RBMS3: variants seen among roughly 807,000 people sequenced by gnomAD.
RBMS3 encodes RNA binding motif single stranded interacting protein 3.
A neutral mutation model predicts 66.8 loss-of-function variants in RBMS3; 27 were observed. The observed-to-expected ratio is 0.40, with a 90% CI of 0.30 to 0.56. RBMS3 has a LOEUF of 0.56. RBMS3 is among the 20% of genes least tolerant of loss of function. The pLI is 0.40. For synonymous variants in RBMS3, 188 were observed against 183.0 expected (o/e 1.03, Z -0.22); for missense variants, 513 against 549.5 (o/e 0.93, Z 0.66).
At chr3:29,294,881 A>G (rs970664242) in intron 1 of RBMS3, among the ~76,000 whole-genome samples, 57 of 151,862 alleles carry the variant, frequency 3.8e-4, no homozygotes, top group African/African-American at 1.2e-3. Flanking sequence ...CAGCCATGCC[A>G]TATACCTATC....
At chr3:29,629,363 G>A (rs1386791639) in intron 4 of RBMS3, among the ~76,000 whole-genome samples, 3 of 152,008 alleles carry the variant, frequency 2.0e-5, no homozygotes, top group Non-Finnish European at 2.9e-5. Flanking sequence ...CTGCCTCAAA[G>A]GAACATTGGT....
intron 5 of RBMS3, among the ~76,000 whole-genome samples, chr3:29,750,007 C>T (rs1038234032): frequency 1.6e-4 from 24 of 152,136 alleles, no homozygotes; most frequent in African/African-American, 5.5e-4. Flanking sequence ...TACTTTACCC[C>T]GTTGCTATAA....
At chr3:29,861,734 T>C (rs1388179117) in intron 6 of RBMS3, among the ~76,000 whole-genome samples, 1 of 152,238 alleles carries the variant, frequency 6.6e-6, no homozygotes, top group Non-Finnish European at 1.5e-5. Flanking sequence ...CTGATCATTA[T>C]ATCAGTTTAT....
chr3:29,369,721 T>C (rs1214605556), intron 1 of RBMS3, among the ~76,000 whole-genome samples: 1 of 151,940 alleles, frequency 6.6e-6, no homozygotes, highest in African/African-American at 2.4e-5. Context: ...ACAGAAAATA[T>C]GGGGAACTAA....
At chr3:29,421,940 T>C (rs1026321999) in intron 1 of RBMS3, among the ~76,000 whole-genome samples, 2 of 152,194 alleles carry the variant, frequency 1.3e-5, no homozygotes, top group African/African-American at 4.8e-5. Flanking sequence ...ACGTTACTGT[T>C]CATGAAAACA....
intron 3 of RBMS3, among the ~76,000 whole-genome samples, chr3:29,573,088 T>G (rs2046998429): frequency 6.6e-6 from 1 of 152,160 alleles, no homozygotes; most frequent in Admixed American, 6.5e-5. Flanking sequence ...TCCTTTAAAT[T>G]TCTGTGACAT....
chr3:29,415,665 T>C lies in RBMS3; in HGVS notation c.76-19078T>C, dbSNP rs201969066. ...ACCTTAATCCATATGTGAAGTGAAG[T>C]GCTCTGAATAGAAATAGTAGAACGG... On this transcript the variant is annotated intron_variant, in intron 1 of 14. Transcript: ENST00000383767. Among the ~76,000 whole-genome samples, 27 of 152,222 alleles carry C rather than the reference T, an allele frequency of 1.8e-4. No individual in the cohort carries two copies. The East Asian group carries it at 5.2e-3, about 29-fold the overall frequency.
At chr3:29,342,868 C>G (rs2036357356) in intron 1 of RBMS3, among the ~76,000 whole-genome samples, 1 of 151,920 alleles carries the variant, frequency 6.6e-6, no homozygotes, top group African/African-American at 2.4e-5. Context: ...TTATAAGATA[C>G]AAAAAAGCCA....
At chr3:29,333,599 C>T (rs932620796) in intron 1 of RBMS3, among the ~76,000 whole-genome samples, 3 of 151,918 alleles carry the variant, frequency 2.0e-5, no homozygotes. Flanking sequence ...TAGTATAGTC[C>T]CTATTCTCAG....
chr3:29,472,155 A>G (rs1232467357), intron 2 of RBMS3, among the ~76,000 whole-genome samples: 2 of 151,902 alleles, frequency 1.3e-5, no homozygotes, highest in African/African-American at 2.4e-5. Context: ...ATGAAACAGA[A>G]CATGCCCAGC....
intron 4 of RBMS3, among the ~76,000 whole-genome samples, chr3:29,735,195 G>A (rs186156667): frequency 2.1e-4 from 32 of 152,200 alleles, no homozygotes; most frequent in Admixed American, 1.7e-3. Context: ...CACCTTGAAA[G>A]GTTCTGAAGT....
intron 6 of RBMS3, among the ~76,000 whole-genome samples, chr3:29,780,367 C>A (rs2056587697): frequency 1.3e-5 from 2 of 151,396 alleles, no homozygotes; most frequent in Admixed American, 6.6e-5. Context: ...TACATGCTTT[C>A]TATATTGAGA....
chr3:29,946,165 G>A (rs182512808), intron 12 of RBMS3, among the ~76,000 whole-genome samples: 2 of 151,788 alleles, frequency 1.3e-5, no homozygotes, highest in East Asian at 3.9e-4. Flanking sequence ...AAATAGACTT[G>A]CCTTTCCAAA....
At chr3:29,665,638 C>G (rs2050721848) in intron 4 of RBMS3, among the ~76,000 whole-genome samples, 1 of 152,196 alleles carries the variant, frequency 6.6e-6, no homozygotes, top group Non-Finnish European at 1.5e-5. Flanking sequence ...AGTTTGCCAA[C>G]ATTGCCCTTT....
At chr3:29,455,341 T>G (rs1327304714) in intron 2 of RBMS3, among the ~76,000 whole-genome samples, 1 of 152,184 alleles carries the variant, frequency 6.6e-6, no homozygotes, top group Non-Finnish European at 1.5e-5. Context: ...AAATAAAAAT[T>G]AACACCATTT....
intron 4 of RBMS3, among the ~76,000 whole-genome samples, chr3:29,603,948 A>G (rs995846369): frequency 5.9e-5 from 9 of 151,962 alleles, no homozygotes; most frequent in African/African-American, 2.2e-4. Flanking sequence ...CTCAACTGCA[A>G]CATCTATAAA....
intron 3 of RBMS3, among the ~76,000 whole-genome samples, chr3:29,583,602 G>C (rs2047406921): frequency 6.6e-6 from 1 of 152,012 alleles, no homozygotes; most frequent in Non-Finnish European, 1.5e-5. Context: ...TTTTCTTCCA[G>C]GTACAATGGG....
At chr3:29,909,470 AG>A (rs1178707634) in intron 10 of RBMS3, among the ~76,000 whole-genome samples, 1 of 152,068 alleles carries the variant, frequency 6.6e-6, no homozygotes, top group Non-Finnish European at 1.5e-5. Context: ...ATAATTTTGG[AG>A]GTAATGTTTA....
rs369374235 is a variant in RBMS3, at chr3:29,480,643, G to T, written c.249-7798G>T. ...AAGTATTGTTCCAACAGAAGTCAGTGTTTAGGAATTAAGCAGAAACTGGAT... is the reference window on the plus strand; with the variant it reads ...AAGTATTGTTCCAACAGAAGTCAGTTTTTAGGAATTAAGCAGAAACTGGAT... On this transcript the variant is annotated intron_variant, in intron 2 of 14. Coordinates refer to ENST00000383767, the MANE Select transcript of RBMS3 (RefSeq NM_001003793.3). Among the ~76,000 whole-genome samples the T allele has an allele frequency of 5.9e-5, 9 of 152,288 alleles. No individual in the cohort carries two copies. The East Asian group carries it at 9.7e-4, about 16-fold the overall frequency.
Sources: allele counts gnomAD v4.1 joint callset (sites outside exome capture counted in the v4.1 genomes callset), GRCh38; gene constraint gnomAD v4.1.1; transcripts MANE v1.5; gene names NCBI Gene and HGNC (gene_info 2026-07-23, HGNC 2026-07-21).